Variants in ATE1 observed in about 807,000 individuals in gnomAD.
ATE1 encodes arginyltransferase 1, also known as arginyl-tRNA--protein transferase 1.
In ATE1, 36 loss-of-function variants were observed where a neutral mutation model predicts 70.5. That is an observed-to-expected ratio of 0.51 (90% confidence interval 0.39 to 0.67). ATE1 has a LOEUF of 0.67. Ranked by LOEUF, ATE1 falls within the 30% of genes least tolerant of loss-of-function variation. The pLI is 0.00. For missense variants in ATE1, 593 were observed against 629.5 expected, an observed-to-expected ratio of 0.94 and a Z score of 0.62; for synonymous variants, 232 against 219.3, an observed-to-expected ratio of 1.06 and a Z score of -0.51.
intron 8 of ATE1, among the ~76,000 whole-genome samples, chr10:121,845,534 C>G (rs1177140632): frequency 6.6e-6 from 1 of 152,122 alleles, no homozygotes; most frequent in Non-Finnish European, 1.5e-5. Flanking sequence ...AAGCTGCTGA[C>G]CTAAGCAACT....
At chr10:121,877,510 A>G (rs1459296503) in intron 7 of ATE1, among the ~76,000 whole-genome samples, 1 of 152,144 alleles carries the variant, frequency 6.6e-6, no homozygotes, top group Non-Finnish European at 1.5e-5. Flanking sequence ...GAATATATAT[A>G]TATATCAAAA....
upstream of ATE1, chr10:121,928,180 G>A (rs919102626): frequency 3.9e-6 from 5 of 1,289,938 alleles, no homozygotes; most frequent in African/African-American, 7.8e-5. Flanking sequence ...AGGGGCCGCC[G>A]TCGTCAGTGA....
chr10:121,920,485 G>A (rs1221018517), intron 3 of ATE1, among the ~76,000 whole-genome samples: 1 of 151,708 alleles, frequency 6.6e-6, no homozygotes, highest in Admixed American at 6.6e-5. Flanking sequence ...AGCCATGGTT[G>A]TGCTACTGCA....
chr10:121,861,493 C>CA (rs941679293), intron 8 of ATE1, among the ~76,000 whole-genome samples: 2 of 149,222 alleles, frequency 1.3e-5, no homozygotes, highest in Non-Finnish European at 1.5e-5. Context: ...ATCGCAAGAA[C>CA]AAAAAACCAA....
intron 7 of ATE1, among the ~76,000 whole-genome samples, chr10:121,897,887 T>TGCTG (rs1166061456): frequency 6.6e-6 from 1 of 151,640 alleles, no homozygotes; most frequent in Non-Finnish European, 1.5e-5. Flanking sequence ...TTCCAGGTAC[T>TGCTG]GCTGATGCTG....
At chr10:121,920,094 G>T (rs1951819547) in intron 3 of ATE1, among the ~76,000 whole-genome samples, 1 of 152,130 alleles carries the variant, frequency 6.6e-6, no homozygotes, top group African/African-American at 2.4e-5. Flanking sequence ...ATTTCTTAAA[G>T]TAAAACTGTC....
chr10:121,865,630 T>G (rs1031668014), intron 8 of ATE1, among the ~76,000 whole-genome samples: 7 of 152,116 alleles, frequency 4.6e-5, no homozygotes, highest in African/African-American at 9.7e-5. Context: ...GGAGTACATA[T>G]CAGCAGCTAC....
intron 10 of ATE1, among the ~76,000 whole-genome samples, chr10:121,834,519 G>A (rs1287330490): frequency 6.6e-6 from 1 of 152,068 alleles, no homozygotes; most frequent in Non-Finnish European, 1.5e-5. Flanking sequence ...AGCACATAGG[G>A]TATTTTTAAA....
chr10:121,796,944 AAAAT>A (rs1290101413), intron 10 of ATE1, among the ~76,000 whole-genome samples: 6 of 152,212 alleles, frequency 3.9e-5, no homozygotes, highest in African/African-American at 1.2e-4. Flanking sequence ...AAAGAATCGC[AAAAT>A]AAATACATGG....
At chr10:121,891,440 C>A (rs1177899755) in intron 7 of ATE1, among the ~76,000 whole-genome samples, 1 of 152,140 alleles carries the variant, frequency 6.6e-6, no homozygotes, top group Non-Finnish European at 1.5e-5. Flanking sequence ...ACCTGGCTTG[C>A]AGGTACAGCT....
At chr10:121,875,589 G>C (rs1950027020) in intron 7 of ATE1, among the ~76,000 whole-genome samples, 1 of 152,144 alleles carries the variant, frequency 6.6e-6, no homozygotes, top group African/African-American at 2.4e-5. Flanking sequence ...ACAGGCGTGA[G>C]CCACCGCGCC....
chr10:121,927,772 C>T (rs1952160360), intron 1 of ATE1, 72 bp downstream of exon 1: 21 of 1,479,918 alleles, frequency 1.4e-5, no homozygotes, highest in Middle Eastern at 2.4e-4. Flanking sequence ...CCCTCGCGTC[C>T]TCGCTGGGGG....
At chr10:121,826,537 C>T (rs1948023052) in intron 10 of ATE1, among the ~76,000 whole-genome samples, 1 of 152,172 alleles carries the variant, frequency 6.6e-6, no homozygotes, top group African/African-American at 2.4e-5. Context: ...CAACTCTTGA[C>T]CTTGTGATCC....
chr10:121,844,052 A>C (rs1331977171), intron 8 of ATE1, among the ~76,000 whole-genome samples: 4 of 152,238 alleles, frequency 2.6e-5, no homozygotes. Flanking sequence ...TGGTATCCAA[A>C]ATATACAAAG....
At chr10:121,910,771 T>C in intron 5 of ATE1, 135 bp downstream of exon 5, 1 of 1,182,664 alleles carries the variant, frequency 8.5e-7, no homozygotes, top group Non-Finnish European at 1.2e-6. Flanking sequence ...TAGGCAATAA[T>C]AAACAAAGCA....
At chr10:121,851,998 T>C (rs932202394) in intron 8 of ATE1, among the ~76,000 whole-genome samples, 1 of 152,238 alleles carries the variant, frequency 6.6e-6, no homozygotes, top group Non-Finnish European at 1.5e-5. Flanking sequence ...TGGGTGCATA[T>C]TTACTGTGAT....
intron 7 of ATE1, among the ~76,000 whole-genome samples, chr10:121,872,401 A>G (rs1949892251): frequency 6.6e-6 from 1 of 152,228 alleles, no homozygotes; most frequent in Non-Finnish European, 1.5e-5. Context: ...ATCCTAAAGC[A>G]GTAAAAACAG....
intron 8 of ATE1, among the ~76,000 whole-genome samples, chr10:121,861,246 A>G (rs1766602169): frequency 6.6e-6 from 1 of 152,112 alleles, no homozygotes. Flanking sequence ...TCCAAGCCCC[A>G]AGCAGGAAAA....
intron 10 of ATE1, among the ~76,000 whole-genome samples, chr10:121,811,692 T>G (rs1947324496): frequency 6.6e-6 from 1 of 152,122 alleles, no homozygotes; most frequent in African/African-American, 2.4e-5. Context: ...AAACTGACCC[T>G]AAAAAAGAAT....
Sources: gnomAD v4.1 joint callset for allele counts (sites outside exome capture counted in the v4.1 genomes callset) on GRCh38, gnomAD v4.1.1 for gene constraint, MANE v1.5 for transcripts, NCBI Gene and HGNC (gene_info 2026-07-23, HGNC 2026-07-21) for gene names.